Variants in CRACD observed in about 807,000 individuals in gnomAD.
CRACD encodes the protein capping protein inhibiting regulator of actin dynamics, also known as capping protein-inhibiting regulator of actin dynamics.
In CRACD, 56 loss-of-function variants were observed where a neutral mutation model predicts 106.8. The observed-to-expected ratio is 0.52, with a 90% CI of 0.42 to 0.66. The LOEUF is 0.66. Among genes scored for constraint, CRACD ranks in the 30% least tolerant of loss-of-function variants. The pLI is 0.00. For synonymous variants in CRACD, 754 were observed against 670.8 expected, an observed-to-expected ratio of 1.12 and a Z score of -1.92; for missense variants, 1,730 against 1,623.2, an observed-to-expected ratio of 1.07 and a Z score of -1.13.
chr4:56,312,337 G>A (rs1230224812), intron 6 of CRACD, among the ~76,000 whole-genome samples: 1 of 152,064 alleles, frequency 6.6e-6, no homozygotes, highest in African/African-American at 2.4e-5. Context: ...TATTTTTAAA[G>A]TATTTAGTAG....
At chr4:56,114,707 A>G (rs936449730) in intron 1 of CRACD, among the ~76,000 whole-genome samples, 1 of 152,168 alleles carries the variant, frequency 6.6e-6, no homozygotes, top group African/African-American at 2.4e-5. Context: ...ATAAAGTAAA[A>G]TAGAAAAGAC....
chr4:56,327,814 C>G lies in CRACD; in HGVS notation c.*10C>G. 6.2e-7 allele frequency: 1 copy of G among 1,607,784 alleles called. No individual in the cohort carries two copies. Among genetic ancestry groups the G allele is most frequent in the South Asian group, 1.1e-5 (1 of 90,470 alleles). On this transcript the variant is annotated 3_prime_UTR_variant, in exon 11 of 11. Transcript: ENST00000682029. ...ACAGATTATTAAGTAAAGAGTGACTCTCACCCATCCCTACTGCCAGTTATT... is the reference window on the plus strand; with the variant it reads ...ACAGATTATTAAGTAAAGAGTGACTGTCACCCATCCCTACTGCCAGTTATT...
chr4:56,058,360 C>T (rs116092757), intron 1 of CRACD, among the ~76,000 whole-genome samples: 3,406 of 152,336 alleles, frequency 0.022, 136 homozygotes, highest in African/African-American at 0.077. Flanking sequence ...TGAGCCACCG[C>T]ACCTGGCCTC....
At chr4:56,204,192 G>GT (rs1738015143) in intron 2 of CRACD, among the ~76,000 whole-genome samples, 2 of 152,316 alleles carry the variant, frequency 1.3e-5, no homozygotes, top group Admixed American at 1.3e-4. Flanking sequence ...GAACAACCTG[G>GT]TTGGTCCATT....
In CRACD at chr4:56,179,835, T is replaced by G. The variant is rs1038780874; in HGVS notation, c.-189+405T>G. Among the ~76,000 whole-genome samples the G allele has an allele frequency of 3.3e-5, 5 of 151,914 alleles. No individual in the cohort carries two copies. In the South Asian group the frequency reaches 8.3e-4, roughly 25 times the overall value. ...GAGTTCGAGACCAGGCTGGCTGACATGCTGAAACCCATCTCTACTAAAAAT... is the reference window on the plus strand; with the variant it reads ...GAGTTCGAGACCAGGCTGGCTGACAGGCTGAAACCCATCTCTACTAAAAAT... On this transcript the variant is annotated intron_variant, in intron 2 of 10. Coordinates refer to ENST00000682029, the MANE Select transcript of CRACD (RefSeq NM_001393381.1).
At chr4:56,105,998 C>T (rs1412010803) in intron 1 of CRACD, among the ~76,000 whole-genome samples, 4 of 151,788 alleles carry the variant, frequency 2.6e-5, no homozygotes, top group African/African-American at 4.8e-5. Flanking sequence ...GCTCTGTCTC[C>T]GTTAAAACCT....
intron 2 of CRACD, among the ~76,000 whole-genome samples, chr4:56,223,146 C>G (rs558389650): frequency 1.3e-5 from 2 of 151,488 alleles, no homozygotes; most frequent in South Asian, 4.2e-4. Context: ...TAATGAGCAC[C>G]TGAACTAAGG....
chr4:56,120,736 G>A (rs1734457075), intron 1 of CRACD, among the ~76,000 whole-genome samples: 1 of 152,198 alleles, frequency 6.6e-6, no homozygotes, highest in South Asian at 2.1e-4. Context: ...GTAACTAGCA[G>A]AATGGTTTTA....
chr4:56,243,829 A>C (rs377589379), intron 2 of CRACD, among the ~76,000 whole-genome samples: 110 of 152,274 alleles, frequency 7.2e-4, no homozygotes, highest in Middle Eastern at 3.4e-3. Flanking sequence ...GTTATTGACT[A>C]TAGTCACCCT....
At chr4:56,310,241 C>T (rs1157656469) in intron 5 of CRACD, among the ~76,000 whole-genome samples, 1 of 152,068 alleles carries the variant, frequency 6.6e-6, no homozygotes, top group East Asian at 1.9e-4. Flanking sequence ...CTTCTTTCTT[C>T]TCACTCATTG....
rs187986000 is a variant in CRACD, at chr4:56,230,438, G to A, written c.-188-41883G>A. 8.9e-4 allele frequency among the ~76,000 whole-genome samples: 136 copies of A among 152,282 alleles called. 1 individual carries two copies. Among genetic ancestry groups the A allele is most frequent in the Non-Finnish European group, 1.5e-3 (101 of 68,022 alleles). On this transcript the variant is annotated intron_variant, in intron 2 of 10. Coordinates refer to ENST00000682029, the MANE Select transcript of CRACD (RefSeq NM_001393381.1). ...CTGCTATCTGTCTGTGGTGGCCCCG[G>A]TGGAGGACACAAGAGACACAGGGCA...
At chr4:56,096,688 G>A (rs1055373893) in intron 1 of CRACD, among the ~76,000 whole-genome samples, 4 of 152,096 alleles carry the variant, frequency 2.6e-5, no homozygotes, top group African/African-American at 9.7e-5. Context: ...TTGAGAGGTC[G>A]AGTGTGATGA....
At chr4:56,182,736 A>G (rs1255054505) in intron 2 of CRACD, among the ~76,000 whole-genome samples, 1 of 152,196 alleles carries the variant, frequency 6.6e-6, no homozygotes, top group Non-Finnish European at 1.5e-5. Context: ...AGACTTAGGA[A>G]ATAGATGCTT....
intron 3 of CRACD, chr4:56,297,993 C>T (rs537004493): frequency 5.1e-5 from 22 of 435,210 alleles, no homozygotes; most frequent in African/African-American, 3.1e-4. Flanking sequence ...TTTGTGTTCT[C>T]ACGGTGAATG....
At chr4:56,115,607 G>A (rs1734251150) in intron 1 of CRACD, among the ~76,000 whole-genome samples, 1 of 152,108 alleles carries the variant, frequency 6.6e-6, no homozygotes, top group African/African-American at 2.4e-5. Context: ...TCATACGGAG[G>A]AAATGGAGAT....
chr4:56,055,163 C>T (rs553986966), intron 1 of CRACD, among the ~76,000 whole-genome samples: 80 of 152,072 alleles, frequency 5.3e-4, no homozygotes, highest in African/African-American at 1.8e-3. Context: ...TTGTTTTTAC[C>T]AGGGAAGGTA....
chr4:56,327,861 A>T lies in CRACD; in HGVS notation c.*57A>T. ...TATTGGCTCCTCTCTTGCCCTTTTT[A>T]TTTATTTATTTTTTATATGGGGTAA... On this transcript the variant is annotated 3_prime_UTR_variant, in exon 11 of 11. Coordinates refer to ENST00000682029, the MANE Select transcript of CRACD (RefSeq NM_001393381.1). The T allele has an allele frequency of 2.1e-6, 3 of 1,452,896 alleles. No individual in the cohort carries two copies. Among genetic ancestry groups the T allele is most frequent in the Non-Finnish European group, 2.8e-6 (3 of 1,063,806 alleles). 90.0% of individuals were successfully genotyped at this position (1,452,896 alleles called of 1,614,324 possible).
At chr4:56,169,085 G>T (rs1051226770) in intron 1 of CRACD, among the ~76,000 whole-genome samples, 3 of 152,228 alleles carry the variant, frequency 2.0e-5, no homozygotes, top group Non-Finnish European at 4.4e-5. Context: ...AGGGGCTGAG[G>T]TGTGGAGGGA....
At chr4:56,211,432 G>T (rs1316724577) in intron 2 of CRACD, among the ~76,000 whole-genome samples, 1 of 152,232 alleles carries the variant, frequency 6.6e-6, no homozygotes, top group Non-Finnish European at 1.5e-5. Context: ...CTCAGCCCAT[G>T]GCTGTTCCAG....
Sources: allele counts gnomAD v4.1 joint callset (sites outside exome capture counted in the v4.1 genomes callset), GRCh38; gene constraint gnomAD v4.1.1; transcripts MANE v1.5; gene names NCBI Gene and HGNC (gene_info 2026-07-23, HGNC 2026-07-21).